Variants in ARHGAP42 observed in about 807,000 individuals in gnomAD.
The protein encoded by ARHGAP42 is rho GTPase-activating protein 42.
ARHGAP42 carries 63 observed loss-of-function variants against 125.0 expected under a neutral mutation model. That is an observed-to-expected ratio of 0.50 (90% CI 0.41 to 0.62). The LOEUF (loss-of-function observed/expected upper bound fraction) is 0.62, where lower values mean the gene tolerates loss of function less well. Ranked by LOEUF, ARHGAP42 falls within the 20% of genes least tolerant of loss-of-function variation. ARHGAP42 has a pLI of 0.00. For synonymous variants in ARHGAP42, 339 were observed against 351.0 expected (o/e 0.97, Z 0.38); for missense variants, 766 against 1,024.2 (o/e 0.75, Z 3.44).
chr11:100,713,437 C>G (rs1265993115), intron 1 of ARHGAP42, among the ~76,000 whole-genome samples: 1 of 152,172 alleles, frequency 6.6e-6, no homozygotes, highest in Non-Finnish European at 1.5e-5. Flanking sequence ...TCTGTACAAC[C>G]TACAACCTTG....
intron 4 of ARHGAP42, among the ~76,000 whole-genome samples, chr11:100,882,460 G>C (rs981539891): frequency 6.6e-6 from 1 of 150,830 alleles, no homozygotes; most frequent in Non-Finnish European, 1.5e-5. Flanking sequence ...ATCATGGTGG[G>C]TTAGCTTTTT....
chr11:100,768,198 A>G (rs1862877988), intron 1 of ARHGAP42, among the ~76,000 whole-genome samples: 1 of 152,180 alleles, frequency 6.6e-6, no homozygotes, highest in South Asian at 2.1e-4. Context: ...CAACAGGTGT[A>G]AAGACTATGT....
At chr11:100,975,517 G>A (rs1485713672) in intron 19 of ARHGAP42, among the ~76,000 whole-genome samples, 1 of 152,092 alleles carries the variant, frequency 6.6e-6, no homozygotes, top group Non-Finnish European at 1.5e-5. Flanking sequence ...AGCAGGAAAG[G>A]AAAAAAGCCT....
intron 10 of ARHGAP42, 23 bp downstream of exon 10, chr11:100,943,891 T>A (rs900473519): frequency 1.4e-6 from 2 of 1,428,918 alleles, no homozygotes; most frequent in East Asian, 2.5e-5. Context: ...CTTTTCACTT[T>A]ATTTTTTTCA....
chr11:100,984,550 A>G (rs115758251), intron 22 of ARHGAP42, among the ~76,000 whole-genome samples: 1 of 152,040 alleles, frequency 6.6e-6, no homozygotes, highest in African/African-American at 2.4e-5. Context: ...ATGAATTTTT[A>G]AAATTTCTCT....
chr11:100,765,233 G>A (rs1016937335), intron 1 of ARHGAP42, among the ~76,000 whole-genome samples: 5 of 152,160 alleles, frequency 3.3e-5, no homozygotes, highest in African/African-American at 1.2e-4. Context: ...CCTTGCTGAT[G>A]CATTGTTACA....
intron 12 of ARHGAP42, among the ~76,000 whole-genome samples, chr11:100,950,852 A>G (rs192652167): frequency 3.3e-5 from 5 of 152,224 alleles, no homozygotes; most frequent in African/African-American, 9.6e-5. Flanking sequence ...CAAACTCAAT[A>G]ACCCTGACAT....
At chr11:100,786,464 A>C (rs766892648) in intron 2 of ARHGAP42, among the ~76,000 whole-genome samples, 6 of 152,132 alleles carry the variant, frequency 3.9e-5, no homozygotes, top group Non-Finnish European at 5.9e-5. Flanking sequence ...TCCTTTTTGC[A>C]TTTGCATGTA....
rs573365514 is a variant in ARHGAP42 at position 100,814,480 on chromosome 11, C to T, written c.312+19314C>T. On this transcript the variant is annotated intron_variant, in intron 3 of 23. Transcript: ENST00000298815. The stretch of plus-strand genomic sequence containing the variant: ...ATTATATCCATTTCTAATATTAGGC[C>T]GTTCTCACATTGGTATAAAGAAATA... 5.9e-5 allele frequency among the ~76,000 whole-genome samples: 9 copies of T among 152,094 alleles called. No homozygotes were observed. In the South Asian group the frequency reaches 1.5e-3, roughly 25 times the overall value.
intron 2 of ARHGAP42, among the ~76,000 whole-genome samples, chr11:100,785,426 G>A (rs1019413314): frequency 1.3e-5 from 2 of 152,142 alleles, no homozygotes; most frequent in Admixed American, 6.6e-5. Flanking sequence ...TTGAATAAAA[G>A]GATTGCCAAA....
Position 100,717,636 on chromosome 11 carries a change from C to CAAAA in ARHGAP42, c.154+29822_154+29825dup, listed in dbSNP as rs60024751. 8.5e-4 allele frequency among the ~76,000 whole-genome samples: 59 copies of CAAAA among 69,042 alleles called. 2 individuals are homozygous for CAAAA. The East Asian group carries it at 0.012, about 14-fold the overall frequency. 45.3% of individuals were successfully genotyped at this position (69,042 alleles called of 152,430 possible). ...TGGGCGACAGAGCGAGACTCCGTCT[C>CAAAA]AAAAAAAAAAAAAAAAAAAAAGATT... On this transcript the variant is annotated intron_variant, in intron 1 of 23. Coordinates refer to ENST00000298815, the MANE Select transcript of ARHGAP42 (RefSeq NM_152432.4).
At chr11:100,903,709 A>AAAAAAAAAAAATATATATAT (rs1332890022) in intron 4 of ARHGAP42, among the ~76,000 whole-genome samples, 5 of 63,502 alleles carry the variant, frequency 7.9e-5, no homozygotes, top group African/African-American at 2.7e-4. Flanking sequence ...TGTCCCTCAA[A>AAAAAAAAAAAATATATATAT]ATATATATAT....
At chr11:100,728,776 A>AT (rs1248302241) in intron 1 of ARHGAP42, among the ~76,000 whole-genome samples, 33 of 84,036 alleles carry the variant, frequency 3.9e-4, no homozygotes, top group Middle Eastern at 6.7e-3. Context: ...TTCTTTTTTA[A>AT]TTTTTTTTTT....
chr11:100,854,911 A>G (rs1865290435), intron 3 of ARHGAP42, among the ~76,000 whole-genome samples: 1 of 152,182 alleles, frequency 6.6e-6, no homozygotes, highest in African/African-American at 2.4e-5. Context: ...TCAGTTGCAA[A>G]TATGAATGGG....
intron 4 of ARHGAP42, among the ~76,000 whole-genome samples, chr11:100,871,252 T>A (rs1304182486): frequency 1.3e-5 from 2 of 151,962 alleles, no homozygotes; most frequent in Non-Finnish European, 2.9e-5. Flanking sequence ...AGTATAAAAA[T>A]TAACTAAAAC....
intron 2 of ARHGAP42, among the ~76,000 whole-genome samples, chr11:100,770,957 A>G (rs1441348189): frequency 1.3e-5 from 2 of 152,224 alleles, no homozygotes; most frequent in East Asian, 3.8e-4. Context: ...AAATGACTTA[A>G]TCATTCTATA....
intron 1 of ARHGAP42, among the ~76,000 whole-genome samples, chr11:100,734,057 C>G (rs1452806584): frequency 6.7e-6 from 1 of 150,198 alleles, no homozygotes; most frequent in South Asian, 2.1e-4. Context: ...GCCTCAGCCT[C>G]CCGAGTAGCT....
chr11:100,790,480 A>G (rs1863539846), intron 2 of ARHGAP42, among the ~76,000 whole-genome samples: 1 of 152,308 alleles, frequency 6.6e-6, no homozygotes, highest in East Asian at 1.9e-4. Flanking sequence ...ATTGTTCTTT[A>G]GTAATCTCAT....
At chr11:100,777,503 G>T (rs967604381) in intron 2 of ARHGAP42, among the ~76,000 whole-genome samples, 1 of 152,084 alleles carries the variant, frequency 6.6e-6, no homozygotes, top group South Asian at 2.1e-4. Context: ...TTGAAGATGC[G>T]TCTGTTAGGT....
Sources: gnomAD v4.1 joint callset for allele counts (sites outside exome capture counted in the v4.1 genomes callset) on GRCh38, gnomAD v4.1.1 for gene constraint, MANE v1.5 for transcripts, NCBI Gene and HGNC (gene_info 2026-07-23, HGNC 2026-07-21) for gene names.